The following LRRC7 variants were observed in gnomAD, a reference collection of about 807,000 sequenced individuals.
The protein encoded by LRRC7 is leucine-rich repeat-containing protein 7.
A neutral mutation model predicts 175.7 loss-of-function variants in LRRC7; 23 were observed. That is an observed-to-expected ratio of 0.13 (90% CI 0.09 to 0.19). The LOEUF is 0.19. Ranked by LOEUF, LRRC7 falls within the 10% of genes least tolerant of loss-of-function variation. The probability of loss-of-function intolerance (pLI) is 1.00; values close to 1 mark genes in which losing one functional copy is unlikely to be tolerated. For missense variants in LRRC7, 1,354 were observed against 1,904.7 expected (o/e 0.71, Z 5.38); for synonymous variants, 685 against 680.9 (o/e 1.01, Z -0.09).
intron 1 of LRRC7, among the ~76,000 whole-genome samples, chr1:69,638,948 T>C (rs1653792587): frequency 1.3e-5 from 2 of 151,604 alleles, no homozygotes; most frequent in African/African-American, 4.8e-5. Context: ...GTATAAAGAG[T>C]GAAACAAAGT....
intron 2 of LRRC7, among the ~76,000 whole-genome samples, chr1:69,715,353 G>C (rs1174621273): frequency 6.6e-6 from 1 of 151,972 alleles, no homozygotes; most frequent in Non-Finnish European, 1.5e-5. Flanking sequence ...AGATATAAAG[G>C]CTCTATATTG....
intron 16 of LRRC7, 32 bp from the exon 17 acceptor site, chr1:70,023,094 C>G: frequency 7.2e-7 from 1 of 1,396,264 alleles, no homozygotes; most frequent in Non-Finnish European, 9.4e-7. Flanking sequence ...GCTCCTCTTT[C>G]TCCCAGAAAA....
chr1:69,975,641 G>T (rs1652738202), intron 8 of LRRC7, among the ~76,000 whole-genome samples: 2 of 152,082 alleles, frequency 1.3e-5, no homozygotes, highest in Admixed American at 1.3e-4. Flanking sequence ...CCCAACTGCT[G>T]ATGTATACAA....
intron 7 of LRRC7, among the ~76,000 whole-genome samples, chr1:69,839,326 A>T (rs1681470002): frequency 6.6e-6 from 1 of 152,228 alleles, no homozygotes; most frequent in Admixed American, 6.6e-5. Flanking sequence ...TAAAGATAAA[A>T]CACCTCCTTA....
chr1:69,957,364 G>A (rs1331063990), intron 8 of LRRC7, among the ~76,000 whole-genome samples: 2 of 151,612 alleles, frequency 1.3e-5, no homozygotes, highest in African/African-American at 2.4e-5. Flanking sequence ...TTGAACAAAC[G>A]TAAGGTACTG....
chr1:69,893,652 A>T (rs1432169753), intron 7 of LRRC7, among the ~76,000 whole-genome samples: 1 of 152,248 alleles, frequency 6.6e-6, no homozygotes, highest in African/African-American at 2.4e-5. Flanking sequence ...ATATGGGTAA[A>T]TAGCTCAGAA....
Position 69,754,112 on chromosome 1 carries a change from A to C in LRRC7, c.101-6079A>C, listed in dbSNP as rs146390309. Reference sequence around the variant, plus strand: ...GGTGTGAATCTGGAAGACAAGAGTCAGACAATGAGACCATATCGTACTTGG... The same window carrying C: ...GGTGTGAATCTGGAAGACAAGAGTCCGACAATGAGACCATATCGTACTTGG... On this transcript the variant is annotated intron_variant, in intron 2 of 26. Transcript: ENST00000651989. Among the ~76,000 whole-genome samples, 4 of 152,210 alleles carry C rather than the reference A, an allele frequency of 2.6e-5. No homozygotes were observed. In the East Asian group the frequency reaches 7.7e-4, roughly 29 times the overall value.
At chr1:69,990,262 A>G (rs1654309673) in intron 10 of LRRC7, among the ~76,000 whole-genome samples, 1 of 152,082 alleles carries the variant, frequency 6.6e-6, no homozygotes, top group Admixed American at 6.6e-5. Context: ...TTAAGAAAGA[A>G]ATCTCTTCAG....
At chr1:69,657,600 T>G (rs1253093828) in intron 1 of LRRC7, among the ~76,000 whole-genome samples, 1 of 151,858 alleles carries the variant, frequency 6.6e-6, no homozygotes, top group Non-Finnish European at 1.5e-5. Flanking sequence ...AGTTATAATA[T>G]TGAATTAATT....
At chr1:69,987,090 A>G (rs1653999750) in intron 10 of LRRC7, among the ~76,000 whole-genome samples, 1 of 152,102 alleles carries the variant, frequency 6.6e-6, no homozygotes, top group African/African-American at 2.4e-5. Flanking sequence ...AAAAATACAA[A>G]AAGTACCGGG....
chr1:70,111,709 A>G (rs1665539303), intron 26 of LRRC7, among the ~76,000 whole-genome samples: 1 of 152,220 alleles, frequency 6.6e-6, no homozygotes, highest in Non-Finnish European at 1.5e-5. Context: ...AAAAAAATAC[A>G]TACTGTACCT....
chr1:69,891,950 A>G (rs1343247833), intron 7 of LRRC7, among the ~76,000 whole-genome samples: 1 of 149,288 alleles, frequency 6.7e-6, no homozygotes, highest in Non-Finnish European at 1.5e-5. Context: ...CAATAAAATG[A>G]CACGTGCCTG....
At chr1:69,623,183 C>T (rs1265221867) in intron 1 of LRRC7, among the ~76,000 whole-genome samples, 1 of 152,140 alleles carries the variant, frequency 6.6e-6, no homozygotes, top group Non-Finnish European at 1.5e-5. Context: ...CAGGGAAACT[C>T]CAACTCCAAC....
intron 2 of LRRC7, among the ~76,000 whole-genome samples, chr1:69,693,067 T>C (rs1238506787): frequency 6.6e-6 from 1 of 152,078 alleles, no homozygotes; most frequent in African/African-American, 2.4e-5. Flanking sequence ...TGGTTCCGTG[T>C]CTCGCATGCC....
At chr1:69,662,586 ACT>A (rs1657635874) in intron 1 of LRRC7, among the ~76,000 whole-genome samples, 1 of 151,890 alleles carries the variant, frequency 6.6e-6, no homozygotes, top group Non-Finnish European at 1.5e-5. Context: ...TAAGCATTTC[ACT>A]CTCTTTTAAG....
intron 2 of LRRC7, among the ~76,000 whole-genome samples, chr1:69,689,185 T>C (rs34425738): frequency 0.14 from 21,789 of 152,220 alleles, 1,712 homozygotes; most frequent in Middle Eastern, 0.2. Context: ...ACTTCCCCTA[T>C]GTCTCTCACA....
intron 23 of LRRC7, among the ~76,000 whole-genome samples, chr1:70,063,186 G>T (rs1353356474): frequency 6.6e-6 from 1 of 152,068 alleles, no homozygotes; most frequent in East Asian, 1.9e-4. Context: ...AAGCTATCAA[G>T]TCAGAGGTAG....
At chr1:69,767,772 T>C (rs1671785158) in intron 3 of LRRC7, among the ~76,000 whole-genome samples, 1 of 152,194 alleles carries the variant, frequency 6.6e-6, no homozygotes, top group African/African-American at 2.4e-5. Context: ...AATCCAGTAT[T>C]TTGTTTTAAT....
chr1:69,575,855 T>A (rs1239288703), intron 1 of LRRC7, among the ~76,000 whole-genome samples: 1 of 152,158 alleles, frequency 6.6e-6, no homozygotes, highest in Admixed American at 6.6e-5. Context: ...TTACTTCAAA[T>A]ATGAATTAGG....
Sources: gnomAD v4.1 joint callset for allele counts (sites outside exome capture counted in the v4.1 genomes callset) on GRCh38, gnomAD v4.1.1 for gene constraint, MANE v1.5 for transcripts, NCBI Gene and HGNC (gene_info 2026-07-23, HGNC 2026-07-21) for gene names.